The following PRRC2B variants were observed in gnomAD, a reference collection of about 807,000 sequenced individuals.
The protein encoded by PRRC2B is protein PRRC2B.
A neutral mutation model predicts 242.3 loss-of-function variants in PRRC2B; 68 were observed. The ratio of observed to expected loss-of-function variants is 0.28; its 90% CI spans 0.23 to 0.34. The LOEUF is 0.34. Among genes scored for constraint, PRRC2B ranks in the 10% least tolerant of loss-of-function variants. PRRC2B has a pLI of 1.00. For missense variants in PRRC2B, 2,835 were observed against 2,954.8 expected (o/e 0.96, Z 0.94); for synonymous variants, 1,228 against 1,173.6 (o/e 1.05, Z -0.95).
At position 131,447,652 on chromosome 9, in the gene PRRC2B, C is replaced by T. The variant is rs769319422; in HGVS notation, c.978-10C>T. 2.5e-6 allele frequency: 4 copies of T among 1,579,102 alleles called. No individual in the cohort carries two copies. In the South Asian group the frequency reaches 4.5e-5, roughly 18 times the overall value. ...ACTGGACATGATTCCATCATCTTTT[C>T]TTTTATCAGAAAAGAAAACAGGCTG... On this transcript the variant is annotated splice_polypyrimidine_tract_variant and intron_variant, in intron 8 of 31. Coordinates refer to ENST00000683519, the MANE Select transcript of PRRC2B (RefSeq NM_013318.4).
At chr9:131,409,621 G>T (rs1326194231) in intron 1 of PRRC2B, among the ~76,000 whole-genome samples, 1 of 151,826 alleles carries the variant, frequency 6.6e-6, no homozygotes, top group Admixed American at 6.6e-5. Flanking sequence ...TGGGGCAGCT[G>T]CTGTGTTGGT....
intron 1 of PRRC2B, among the ~76,000 whole-genome samples, chr9:131,398,963 G>A (rs1382891878): frequency 6.6e-6 from 1 of 152,046 alleles, no homozygotes. Flanking sequence ...GGGCGACAGA[G>A]TGAGACCCTG....
In PRRC2B at chr9:131,494,607, G is replaced by A. The variant is rs1422890869; in HGVS notation, c.6555+121G>A. 12 of 597,006 alleles carry A rather than the reference G, an allele frequency of 2.0e-5. No individual in the cohort carries two copies. The highest frequency in any genetic ancestry group is 3.5e-5 in the Non-Finnish European group (12 of 338,092). The allele number at this position is 597,006 out of a possible 1,614,324, so 37.0% of individuals were successfully genotyped here. A position where few individuals can be genotyped will look rare whatever the true frequency, so the allele number is the denominator to read the frequency against. The stretch of plus-strand genomic sequence containing the variant: ...CCTGTCTAAAGACAGCCATGCCCTA[G>A]CGGTTAGAGCACAGAACCGGGAGCT... On this transcript the variant is annotated intron_variant, in intron 31 of 31. Coordinates refer to ENST00000683519, the MANE Select transcript of PRRC2B (RefSeq NM_013318.4). This position sits in a 1 kb window ranked among gnomAD's most constrained non-coding sequence, Gnocchi z 4.3.
At position 131,496,632 on chromosome 9, in the gene PRRC2B, G is replaced by GT. The variant is rs1431435900; in HGVS notation, c.*758_*759insT. 1 of 151,022 alleles carries GT rather than the reference G, an allele frequency of 6.6e-6. No homozygotes were observed. Among genetic ancestry groups the GT allele is most frequent in the Admixed American group, 6.6e-5 (1 of 15,218 alleles). The allele number at this position is 151,022 out of a possible 1,614,324, so 9.4% of individuals were successfully genotyped here. ...AGCAGCAGGCAGGTTGGGGGAGGGG[G>GT]GGGGTCATAGTTGGGTTCCAGCTCC... On this transcript the variant is annotated 3_prime_UTR_variant, in exon 32 of 32. Transcript: ENST00000683519.
chr9:131,442,800 G>T (rs534694940), intron 5 of PRRC2B, among the ~76,000 whole-genome samples: 1 of 152,154 alleles, frequency 6.6e-6, no homozygotes. Context: ...ATCAAAAGAC[G>T]TGCCATTTTT....
Position 131,493,366 on chromosome 9 carries a change from G to C in PRRC2B, c.6474-1039G>C, listed in dbSNP as rs538589283. Among the ~76,000 whole-genome samples, 48 of 152,348 alleles carry C rather than the reference G, an allele frequency of 3.2e-4. No individual in the cohort carries two copies. In the South Asian group the frequency reaches 9.5e-3, roughly 30 times the overall value. ...ACATCAGGACTGTGTGAAAAAGATA[G>C]CTGGACAGCACCGACCATGGAGCGG... On this transcript the variant is annotated intron_variant, in intron 30 of 31. Coordinates refer to ENST00000683519, the MANE Select transcript of PRRC2B (RefSeq NM_013318.4).
intron 11 of PRRC2B, among the ~76,000 whole-genome samples, chr9:131,461,788 A>T (rs554491910): frequency 1.3e-5 from 2 of 152,294 alleles, no homozygotes; most frequent in East Asian, 3.9e-4. Flanking sequence ...TGGCCTCCCA[A>T]AGTACTGGGA....
In PRRC2B at chr9:131,464,908, C is replaced by T. The variant is rs762244995; in HGVS notation, c.1550C>T (p.Ala517Val). ...RKRREEEERR[A>V]REERLAACAA... ...CGCCGGGAAGAAGAGGAGCGCCGAG[C>T]CCGGGAGGAGAGGCTGGCCGCCTGT... is the stretch of plus-strand genomic sequence containing the variant. Residue 517 changes from alanine (A) to valine (V), a missense_variant, in exon 12 of 32, where the codon GCC (alanine) becomes GTC (valine). By Grantham distance (64) the Ala-to-Val change is moderately conservative. Transcript: ENST00000683519. 1.9e-6 allele frequency: 3 copies of T among 1,613,670 alleles called. No individual in the cohort carries two copies. Among genetic ancestry groups the T allele is most frequent in the South Asian group, 1.1e-5 (1 of 91,070 alleles).
intron 1 of PRRC2B, among the ~76,000 whole-genome samples, chr9:131,375,092 A>AAG (rs1486344386): frequency 2.0e-4 from 31 of 152,256 alleles, no homozygotes; most frequent in African/African-American, 7.5e-4. Flanking sequence ...TTCTCTGTGC[A>AAG]ATTTCCTCAT....
At chr9:131,469,268 A>T (rs145651334) in intron 13 of PRRC2B, among the ~76,000 whole-genome samples, 5 of 152,284 alleles carry the variant, frequency 3.3e-5, no homozygotes, top group African/African-American at 1.2e-4. Flanking sequence ...CAGGAGGTGG[A>T]GGTTGCAGTG....
chr9:131,448,938 T>C (rs1385791586), intron 9 of PRRC2B, among the ~76,000 whole-genome samples: 7 of 152,212 alleles, frequency 4.6e-5, no homozygotes. Flanking sequence ...GCAGGCTTCC[T>C]CATTGCTTCT....
intron 9 of PRRC2B, among the ~76,000 whole-genome samples, chr9:131,454,441 T>C (rs1463921630): frequency 6.6e-6 from 1 of 152,182 alleles, no homozygotes; most frequent in African/African-American, 2.4e-5. Context: ...AAAGATATAA[T>C]GTTCAGATTT....
At chr9:131,435,837 T>G (rs1440721710) in intron 3 of PRRC2B, among the ~76,000 whole-genome samples, 1 of 152,228 alleles carries the variant, frequency 6.6e-6, no homozygotes, top group African/African-American at 2.4e-5. Flanking sequence ...TCACTCCACT[T>G]CTGTTAGAAA....
At chr9:131,443,268 G>T (rs1262442062) in intron 5 of PRRC2B, among the ~76,000 whole-genome samples, 1 of 151,676 alleles carries the variant, frequency 6.6e-6, no homozygotes, top group Non-Finnish European at 1.5e-5. Flanking sequence ...CGAGTAGCTG[G>T]GACTACAGGC....
chr9:131,420,497 T>TTTCGTTC (rs1837801640), intron 1 of PRRC2B, among the ~76,000 whole-genome samples: 2 of 16,432 alleles, frequency 1.2e-4, no homozygotes, highest in African/African-American at 2.8e-4. Flanking sequence ...TTCTTTCTTT[T>TTTCGTTC]TTTTTTTTTT....
At position 131,399,522 on chromosome 9, in the gene PRRC2B, T is replaced by C. The variant is rs566122028; in HGVS notation, c.-52+5259T>C. 2.4e-4 allele frequency among the ~76,000 whole-genome samples: 36 copies of C among 151,886 alleles called. No homozygotes were observed. The South Asian group carries it at 7.1e-3, about 30-fold the overall frequency. The stretch of plus-strand genomic sequence containing the variant: ...TGAACCCGGGAGGCGGAGTTTGCAG[T>C]GAGCCGAGATCACGACACTGCACTC... On this transcript the variant is annotated intron_variant, in intron 1 of 31. Coordinates refer to ENST00000683519, the MANE Select transcript of PRRC2B (RefSeq NM_013318.4).
Position 131,491,590 on chromosome 9 carries a change from C to A in PRRC2B, c.6381+10C>A, listed in dbSNP as rs760477743. The stretch of plus-strand genomic sequence containing the variant: ...GAACACCAGCAGAGAGGTAAGGGGA[C>A]CCCATCTGCCTCTGACCCTAGGGAG... On this transcript the variant is annotated intron_variant, in intron 29 of 31. Transcript: ENST00000683519. The A allele has an allele frequency of 6.2e-7, 1 of 1,602,708 alleles. No individual in the cohort carries two copies. Among genetic ancestry groups the A allele is most frequent in the Non-Finnish European group, 8.5e-7 (1 of 1,174,864 alleles).
intron 9 of PRRC2B, 132 bp downstream of exon 9, chr9:131,447,936 G>T: frequency 5.5e-6 from 5 of 904,926 alleles, no homozygotes; most frequent in Non-Finnish European, 7.8e-6. Context: ...GGACAGGGAA[G>T]CAGACCTGAT....
rs190923560 is a variant in PRRC2B at position 131,386,285 on chromosome 9, T to A, written c.-56+12554T>A. Among the ~76,000 whole-genome samples the A allele has an allele frequency of 8.4e-4, 126 of 150,326 alleles. 2 individuals are homozygous for A. The highest frequency in any genetic ancestry group is 2.9e-3 in the African/African-American group (119 of 41,344). ...GCACCAACATTCTCGGCTAATTTTT[T>A]AATTTTTTTGTGGAGATGGGGCATC... On this transcript the variant is annotated intron_variant, in intron 1 of 1. Coordinates refer to the PRRC2B transcript ENST00000682525.
Sources: allele counts gnomAD v4.1 joint callset (sites outside exome capture counted in the v4.1 genomes callset), GRCh38; gene constraint gnomAD v4.1.1; non-coding constraint Gnocchi (gnomAD v3.1); transcripts MANE v1.5; gene names NCBI Gene and HGNC (gene_info 2026-07-23, HGNC 2026-07-21).